The following TMEM117 variants were observed in gnomAD, a reference collection of about 807,000 sequenced individuals.
The protein encoded by TMEM117 is transmembrane protein 117.
In TMEM117, 27 loss-of-function variants were observed where a neutral mutation model predicts 52.4. The observed-to-expected ratio is 0.51, with a 90% CI of 0.38 to 0.71. The LOEUF is 0.71. Ranked by LOEUF, TMEM117 falls within the 30% of genes least tolerant of loss-of-function variation. TMEM117 has a pLI of 0.00. For synonymous variants in TMEM117, 215 were observed against 206.3 expected, an observed-to-expected ratio of 1.04 and a Z score of -0.36; for missense variants, 556 against 630.5, an observed-to-expected ratio of 0.88 and a Z score of 1.26.
chr12:44,276,906 GTA>G (rs924975416), intron 5 of TMEM117, among the ~76,000 whole-genome samples: 29 of 147,164 alleles, frequency 2.0e-4, no homozygotes, highest in South Asian at 1.9e-3. Flanking sequence ...GTGTGTGTGT[GTA>G]TGTGTGTGTG....
At chr12:43,899,461 T>G (rs1277033366) in intron 2 of TMEM117, among the ~76,000 whole-genome samples, 2 of 152,240 alleles carry the variant, frequency 1.3e-5, no homozygotes, top group Admixed American at 6.5e-5. Context: ...TATTCATTTT[T>G]AAGTGGCAAT....
chr12:44,257,262 G>A (rs888518867), intron 5 of TMEM117, among the ~76,000 whole-genome samples: 2 of 151,610 alleles, frequency 1.3e-5, no homozygotes, highest in Non-Finnish European at 2.9e-5. Flanking sequence ...GTGCTTGAGC[G>A]GAGCCGTAGG....
At chr12:43,999,333 T>G (rs1946080305) in intron 3 of TMEM117, among the ~76,000 whole-genome samples, 1 of 152,240 alleles carries the variant, frequency 6.6e-6, no homozygotes. Context: ...AAAACTTTCT[T>G]GTGACCATGA....
At chr12:44,153,480 T>A (rs1443380848) in intron 4 of TMEM117, among the ~76,000 whole-genome samples, 1 of 152,052 alleles carries the variant, frequency 6.6e-6, no homozygotes, top group Non-Finnish European at 1.5e-5. Context: ...AGTATATTTT[T>A]AGGCACGAAA....
intron 4 of TMEM117, among the ~76,000 whole-genome samples, chr12:44,183,407 G>A (rs1203585880): frequency 1.3e-5 from 2 of 152,136 alleles, no homozygotes; most frequent in Non-Finnish European, 2.9e-5. Context: ...ATGAAGCTGG[G>A]TGTGATTAAT....
chr12:44,289,225 T>G (rs1402015981), intron 5 of TMEM117, among the ~76,000 whole-genome samples: 2 of 145,978 alleles, frequency 1.4e-5, no homozygotes, highest in Non-Finnish European at 3.0e-5. Context: ...CTATCCCATT[T>G]TGTGTGTGTG....
At chr12:43,848,055 T>A (rs1054274925) in intron 2 of TMEM117, among the ~76,000 whole-genome samples, 2 of 152,046 alleles carry the variant, frequency 1.3e-5, no homozygotes, top group Non-Finnish European at 2.9e-5. Context: ...AAAGATCACA[T>A]GCTTCAAAGA....
intron 3 of TMEM117, among the ~76,000 whole-genome samples, chr12:44,118,200 A>T (rs1260800190): frequency 6.6e-6 from 1 of 152,240 alleles, no homozygotes; most frequent in Admixed American, 6.5e-5. Flanking sequence ...ATGAAGAAAG[A>T]CAAATAAATA....
At chr12:44,108,119 G>A (rs1592523893) in intron 3 of TMEM117, among the ~76,000 whole-genome samples, 1 of 152,108 alleles carries the variant, frequency 6.6e-6, no homozygotes, top group South Asian at 2.1e-4. Context: ...GAGCACATCT[G>A]CTAAAGTGAA....
At chr12:44,325,470 T>G (rs1951183049) in intron 6 of TMEM117, among the ~76,000 whole-genome samples, 1 of 150,222 alleles carries the variant, frequency 6.7e-6, no homozygotes, top group Non-Finnish European at 1.5e-5. Context: ...GCAGTGGAGA[T>G]ATTTTTTCTC....
intron 6 of TMEM117, among the ~76,000 whole-genome samples, chr12:44,372,572 T>C (rs1463499138): frequency 6.7e-6 from 1 of 149,744 alleles, no homozygotes; most frequent in African/African-American, 2.5e-5. Context: ...CCGGATAGTA[T>C]GAATCAAATG....
Position 44,388,244 on chromosome 12 carries a change from A to T in TMEM117, c.1117A>T (p.Thr373Ser). The change falls in exon 8 of 8, where the codon ACA becomes TCA. Residue 373 changes from threonine (T) to serine (S), a missense_variant. Thr to Ser is a moderately conservative substitution (Grantham distance 58). Coordinates refer to ENST00000266534, the MANE Select transcript of TMEM117 (RefSeq NM_032256.3). ...TCACACTAACCCTCGGACTAATAAAACATATGTTGAGGGAGACATGTTCTT... is the reference window on the plus strand; with the variant it reads ...TCACACTAACCCTCGGACTAATAAATCATATGTTGAGGGAGACATGTTCTT... ...SNHTNPRTNKTYVEGDMFLHS... is the reference protein window; with the variant it reads ...SNHTNPRTNKSYVEGDMFLHS... 1 of 1,613,584 alleles carries T rather than the reference A, an allele frequency of 6.2e-7. No homozygotes were observed. The highest frequency in any genetic ancestry group is 8.5e-7 in the Non-Finnish European group (1 of 1,179,664).
intron 6 of TMEM117, among the ~76,000 whole-genome samples, chr12:44,331,248 AC>A (rs1324050835): frequency 6.6e-6 from 1 of 151,548 alleles, no homozygotes; most frequent in Non-Finnish European, 1.5e-5. Context: ...CCTTAGTAGT[AC>A]TATTTAAACT....
intron 6 of TMEM117, among the ~76,000 whole-genome samples, chr12:44,359,248 A>G (rs1182233551): frequency 6.6e-6 from 1 of 151,982 alleles, no homozygotes; most frequent in Admixed American, 6.6e-5. Context: ...GAAAATAACA[A>G]AGTGTCTAGA....
chr12:43,928,401 A>C (rs1233087335), intron 2 of TMEM117, among the ~76,000 whole-genome samples: 1 of 151,988 alleles, frequency 6.6e-6, no homozygotes, highest in Admixed American at 6.6e-5. Context: ...AATTAGGTTC[A>C]TTCTCCTTGA....
intron 6 of TMEM117, among the ~76,000 whole-genome samples, chr12:44,316,833 C>A (rs1951060588): frequency 6.6e-6 from 1 of 151,834 alleles, no homozygotes. Flanking sequence ...AGTCTTCTAG[C>A]TCTGTAATTC....
intron 6 of TMEM117, among the ~76,000 whole-genome samples, chr12:44,304,389 C>G (rs979224737): frequency 4.6e-5 from 7 of 152,172 alleles, no homozygotes; most frequent in African/African-American, 1.4e-4. Context: ...GAAAGGCAGT[C>G]TAGGCCACAA....
chr12:44,102,350 G>C (rs952451333), intron 3 of TMEM117, among the ~76,000 whole-genome samples: 1 of 151,914 alleles, frequency 6.6e-6, no homozygotes, highest in African/African-American at 2.4e-5. Flanking sequence ...ATTTTCTTCT[G>C]TCTAACCCAT....
At chr12:44,224,689 C>A (rs1257887610) in intron 5 of TMEM117, among the ~76,000 whole-genome samples, 1 of 152,040 alleles carries the variant, frequency 6.6e-6, no homozygotes, top group Non-Finnish European at 1.5e-5. Context: ...TAAGTGTGGT[C>A]CCCCAATCGC....
Sources: allele counts gnomAD v4.1 joint callset (sites outside exome capture counted in the v4.1 genomes callset), GRCh38; gene constraint gnomAD v4.1.1; transcripts MANE v1.5; gene names NCBI Gene and HGNC (gene_info 2026-07-23, HGNC 2026-07-21).